Variants in PLCG1 observed in about 807,000 individuals in gnomAD.
The protein encoded by PLCG1 is 1-phosphatidylinositol 4,5-bisphosphate phosphodiesterase gamma-1.
In PLCG1, 71 loss-of-function variants were observed where a neutral mutation model predicts 177.8. The observed-to-expected ratio is 0.40, with a 90% CI of 0.33 to 0.49. PLCG1 has a LOEUF of 0.49. Ranked by LOEUF, PLCG1 falls within the 20% of genes least tolerant of loss-of-function variation. The probability of loss-of-function intolerance (pLI) is 0.72; values close to 1 mark genes in which losing one functional copy is unlikely to be tolerated. For synonymous variants in PLCG1, 658 were observed against 647.9 expected (o/e 1.02, Z -0.24); for missense variants, 1,281 against 1,709.0 (o/e 0.75, Z 4.42).
Position 41,173,423 on chromosome 20 carries a change from C to T in PLCG1, c.3283C>T (p.Leu1095=). 6.3e-7 allele frequency: 1 copy of T among 1,596,488 alleles called. No individual in the cohort carries two copies. Among genetic ancestry groups the T allele is most frequent in the Non-Finnish European group, 8.5e-7 (1 of 1,170,660 alleles). ...GCCCTTCTTTGTCTGCCTACAGGTG[C>T]TGGGGGCCCGACATCTGCCAAAGAA... ...LEPCAISIEV[L]GARHLPKNGR... The change falls in exon 28 of 32, where the codon CTG becomes TTG. Residue 1095 remains leucine (L), a synonymous_variant. Transcript: ENST00000685551. The surrounding 1 kb of genome is among the most constrained non-coding windows in gnomAD (Gnocchi z 6.2).
rs2036016143 is a variant in PLCG1 at position 41,174,893 on chromosome 20, A to G, written c.*384A>G. 1 of 213,086 alleles carries G rather than the reference A, an allele frequency of 4.7e-6. No homozygotes were observed. The highest frequency in any genetic ancestry group is 9.5e-6 in the Non-Finnish European group (1 of 105,722). 13.2% of individuals were successfully genotyped at this position (213,086 alleles called of 1,614,324 possible). A position where few individuals can be genotyped will look rare whatever the true frequency, so the allele number is the denominator to read the frequency against. On this transcript the variant is annotated 3_prime_UTR_variant, in exon 32 of 32. Transcript: ENST00000685551. The surrounding 1 kb of genome is among the most constrained non-coding windows in gnomAD (Gnocchi z 5.8). ...CTACTGACATTCCTAAGAGTGGAGGAGGAGGAGGAGCCTTGCTGGGCCAGG... is the reference window on the plus strand; with the variant it reads ...CTACTGACATTCCTAAGAGTGGAGGGGGAGGAGGAGCCTTGCTGGGCCAGG...
In PLCG1 at chr20:41,167,214, A is replaced by C. The variant is rs553830970; in HGVS notation, c.2301+355A>C. Among the ~76,000 whole-genome samples, 1 of 152,250 alleles carries C rather than the reference A, an allele frequency of 6.6e-6. No individual in the cohort carries two copies. Among genetic ancestry groups the C allele is most frequent in the Admixed American group, 6.5e-5 (1 of 15,300 alleles). ...TAGGGCAGATGAGATGAGGCTACCC[A>C]AGAGTGGTTGTGGAGCCTCCGCCTG... On this transcript the variant is annotated intron_variant, in intron 19 of 31. Transcript: ENST00000685551. The surrounding 1 kb of genome is among the most constrained non-coding windows in gnomAD (Gnocchi z 4.4).
chr20:41,164,877 C>T lies in PLCG1; in HGVS notation c.1218-56C>T. ...TCCAACAGCTCACTGTGAGGGGCTA[C>T]TTAGACCCAGAGAATTGCAGAATCT... On this transcript the variant is annotated intron_variant, in intron 12 of 31. Transcript: ENST00000685551. The surrounding 1 kb of genome is among the most constrained non-coding windows in gnomAD (Gnocchi z 6.4). 1.3e-6 allele frequency: 2 copies of T among 1,556,298 alleles called. No homozygotes were observed. The highest frequency in any genetic ancestry group is 8.8e-7 in the Non-Finnish European group (1 of 1,138,526).
At position 41,172,653 on chromosome 20, in the gene PLCG1, A is replaced by G; in HGVS notation, c.3130+8A>G. The G allele has an allele frequency of 6.2e-7, 1 of 1,613,742 alleles. No individual in the cohort carries two copies. The highest frequency in any genetic ancestry group is 8.5e-7 in the Non-Finnish European group (1 of 1,179,724). ...TCAACTTCCAGACCCCTGGTGAGGA[A>G]GTCCCCTGTGAGGAGGGTGAGGAGG... On this transcript the variant is annotated splice_region_variant and intron_variant, in intron 26 of 31. Transcript: ENST00000685551. The surrounding 1 kb of genome is among the most constrained non-coding windows in gnomAD (Gnocchi z 7.0).
In PLCG1 at chr20:41,148,659, G is replaced by T. The variant is rs1034106893; in HGVS notation, c.217+10801G>T. On this transcript the variant is annotated intron_variant, in intron 1 of 31. Transcript: ENST00000685551. This position sits in a 1 kb window ranked among gnomAD's most constrained non-coding sequence, Gnocchi z 4.3. The stretch of plus-strand genomic sequence containing the variant: ...TGGAGCATTGAAGATGGCAGACATG[G>T]TGCAGTCTCTCAAGGAGTTTACGCT... 6.6e-6 allele frequency among the ~76,000 whole-genome samples: 1 copy of T among 152,196 alleles called. No individual in the cohort carries two copies. The highest frequency in any genetic ancestry group is 6.5e-5 in the Admixed American group (1 of 15,284).
chr20:41,166,821 C>T lies in PLCG1; in HGVS notation c.2263C>T (p.Pro755Ser). 2.5e-6 allele frequency: 4 copies of T among 1,614,184 alleles called. No homozygotes were observed. The highest frequency in any genetic ancestry group is 3.4e-6 in the Non-Finnish European group (4 of 1,180,028). Residue 755 changes from proline to serine, a missense_variant, in exon 19 of 32, where the codon CCC (proline) becomes TCC (serine). Pro to Ser is a moderately conservative substitution (Grantham distance 74). This residue lies in a region of PLCG1 where 723 missense variants were observed against 1,030.0 expected (regional missense o/e 0.70). Coordinates refer to ENST00000685551, the MANE Select transcript of PLCG1 (RefSeq NM_002660.3). This position sits in a 1 kb window ranked among gnomAD's most constrained non-coding sequence, Gnocchi z 8.6. The part of the protein sequence containing the change: ...PLYRKMKLRY[P>S]INEEALEKIG... ...ATACCGCAAGATGAAGCTGCGCTAT[C>T]CCATCAACGAGGAGGCACTGGAGAA... is the stretch of plus-strand genomic sequence containing the variant.
At position 41,144,824 on chromosome 20, in the gene PLCG1, G is replaced by A. The variant is rs1200866594; in HGVS notation, c.217+6966G>A. Among the ~76,000 whole-genome samples, 1 of 152,000 alleles carries A rather than the reference G, an allele frequency of 6.6e-6. No individual in the cohort carries two copies. Among genetic ancestry groups the A allele is most frequent in the Non-Finnish European group, 1.5e-5 (1 of 68,030 alleles). ...TTCATGGTGGCAGTAGATCTCTAGC[G>A]TGGTTTGTGTTCCATCTCACCATAC... On this transcript the variant is annotated intron_variant, in intron 1 of 31. Transcript: ENST00000685551. The surrounding 1 kb of genome is among the most constrained non-coding windows in gnomAD (Gnocchi z 4.1).
intron 1 of PLCG1, among the ~76,000 whole-genome samples, chr20:41,142,860 G>C (rs1020396894): frequency 6.6e-6 from 1 of 152,150 alleles, no homozygotes; most frequent in Non-Finnish European, 1.5e-5. Flanking sequence ...TTACTACGTA[G>C]GATCCCTGAC....
Position 41,172,615 on chromosome 20 carries a change from C to T in PLCG1, c.3100C>T (p.Gln1034Ter). The stretch of plus-strand genomic sequence containing the variant: ...TTTGCCCATGTGGATCTGTGGCAGT[C>T]AGCTTGTGGCCCTCAACTTCCAGAC... ...DPLPMWICGS[Q>*]LVALNFQTPD... Residue 1034 changes from glutamine to a stop codon, truncating the protein, a stop_gained, in exon 26 of 32, where the codon CAG becomes TAG. Coordinates refer to ENST00000685551, the MANE Select transcript of PLCG1 (RefSeq NM_002660.3). LOFTEE classifies it high-confidence loss of function. This position sits in a 1 kb window ranked among gnomAD's most constrained non-coding sequence, Gnocchi z 7.0. 1 of 1,614,194 alleles carries T rather than the reference C, an allele frequency of 6.2e-7. No homozygotes were observed. Among genetic ancestry groups the T allele is most frequent in the Non-Finnish European group, 8.5e-7 (1 of 1,180,008 alleles).
Position 41,173,732 on chromosome 20 carries a change from T to G in PLCG1, c.3475T>G (p.Phe1159Val). 6.2e-7 allele frequency: 1 copy of G among 1,614,202 alleles called. No homozygotes were observed. Among genetic ancestry groups the G allele is most frequent in the Non-Finnish European group, 8.5e-7 (1 of 1,180,042 alleles). ...ISNPEFAFLR[F>V]VVYEEDMFSD... ...TAACCCTGAATTTGCCTTTCTGCGC[T>G]TCGTGGTGTATGAGGAAGACATGTT... The change falls in exon 29 of 32, where the codon TTC becomes GTC. Residue 1159 changes from phenylalanine to valine, a missense_variant. By Grantham distance (50) the Phe-to-Val change is conservative. Coordinates refer to ENST00000685551, the MANE Select transcript of PLCG1 (RefSeq NM_002660.3). This position sits in a 1 kb window ranked among gnomAD's most constrained non-coding sequence, Gnocchi z 6.2.
chr20:41,165,980 T>G lies in PLCG1; in HGVS notation c.1799+154T>G. On this transcript the variant is annotated intron_variant, in intron 16 of 31. Coordinates refer to ENST00000685551, the MANE Select transcript of PLCG1 (RefSeq NM_002660.3). The surrounding 1 kb of genome is among the most constrained non-coding windows in gnomAD (Gnocchi z 6.6). ...ATTTCACCTACATACACACACACACTCTCTGTCTCACCCCCCCCCCATACC... is the reference window on the plus strand; with the variant it reads ...ATTTCACCTACATACACACACACACGCTCTGTCTCACCCCCCCCCCATACC... The G allele has an allele frequency of 1.5e-6, 1 of 684,766 alleles. No individual in the cohort carries two copies. The highest frequency in any genetic ancestry group is 2.4e-6 in the Non-Finnish European group (1 of 415,148). The allele number at this position is 684,766 out of a possible 1,614,324, so 42.4% of individuals were successfully genotyped here.
rs1049761006 is a variant in PLCG1 at position 41,164,420 on chromosome 20, C to G, written c.1217+219C>G. ...TCCTACGTGTTGGGCCCACTCTCTTCTTCATGGGTCCTTTAGACTGTAGAA... is the reference window on the plus strand; with the variant it reads ...TCCTACGTGTTGGGCCCACTCTCTTGTTCATGGGTCCTTTAGACTGTAGAA... On this transcript the variant is annotated intron_variant, in intron 12 of 31. Coordinates refer to ENST00000685551, the MANE Select transcript of PLCG1 (RefSeq NM_002660.3). This position sits in a 1 kb window ranked among gnomAD's most constrained non-coding sequence, Gnocchi z 6.4. Among the ~76,000 whole-genome samples the G allele has an allele frequency of 6.6e-6, 1 of 152,092 alleles. No homozygotes were observed. The highest frequency in any genetic ancestry group is 1.5e-5 in the Non-Finnish European group (1 of 68,020).
In PLCG1 at chr20:41,156,948, G is replaced by T. The variant is rs749797056; in HGVS notation, c.218-2658G>T. Among the ~76,000 whole-genome samples, 1 of 152,254 alleles carries T rather than the reference G, an allele frequency of 6.6e-6. No individual in the cohort carries two copies. The highest frequency in any genetic ancestry group is 1.5e-5 in the Non-Finnish European group (1 of 68,040). On this transcript the variant is annotated intron_variant, in intron 1 of 31. Coordinates refer to ENST00000685551, the MANE Select transcript of PLCG1 (RefSeq NM_002660.3). This position sits in a 1 kb window ranked among gnomAD's most constrained non-coding sequence, Gnocchi z 5.0. ...TATTTGTTCTGGGAGGCAGGAAGAT[G>T]AAGGGTGAGGTTGGGAGGTAGCACA... is the stretch of plus-strand genomic sequence containing the variant.
At position 41,172,894 on chromosome 20, in the gene PLCG1, T is replaced by G. The variant is rs755664171; in HGVS notation, c.3279+17T>G. The G allele has an allele frequency of 5.6e-6, 9 of 1,611,794 alleles. No homozygotes were observed. The South Asian group carries it at 9.9e-5, about 18-fold the overall frequency. On this transcript the variant is annotated intron_variant, in intron 27 of 31. Coordinates refer to ENST00000685551, the MANE Select transcript of PLCG1 (RefSeq NM_002660.3). This position sits in a 1 kb window ranked among gnomAD's most constrained non-coding sequence, Gnocchi z 7.0. ...TCTATTGAGGTGGGTGCTGCTCATC[T>G]GGGCTTCAGGGTAGGAAAGGGGCTG... is the stretch of plus-strand genomic sequence containing the variant.
At position 41,175,205 on chromosome 20, in the gene PLCG1, C is replaced by G. The variant is rs995919132; in HGVS notation, c.*696C>G. ...TTATTTACTCCTCCTGCTCCTCACC[C>G]CTGTAGGGAAACCTTGGAGAGGAGA... On this transcript the variant is annotated 3_prime_UTR_variant, in exon 32 of 32. Coordinates refer to ENST00000685551, the MANE Select transcript of PLCG1 (RefSeq NM_002660.3). The G allele has an allele frequency of 1.3e-5, 2 of 152,520 alleles. No individual in the cohort carries two copies. The highest frequency in any genetic ancestry group is 2.4e-5 in the African/African-American group (1 of 41,426). The allele number at this position is 152,520 out of a possible 1,614,324, so 9.4% of individuals were successfully genotyped here.
rs2035670209 is a variant in PLCG1 at position 41,165,880 on chromosome 20, C to G, written c.1799+54C>G. 1.5e-6 allele frequency: 2 copies of G among 1,342,258 alleles called. No homozygotes were observed. Among genetic ancestry groups the G allele is most frequent in the South Asian group, 1.3e-5 (1 of 74,922 alleles). The allele number at this position is 1,342,258 out of a possible 1,614,324, so 83.1% of individuals were successfully genotyped here. ...TCAGTCAGCGTGTGTACACAGACAT[C>G]ACATCACCCAGAGATAATCAGTTAA... is the stretch of plus-strand genomic sequence containing the variant. On this transcript the variant is annotated intron_variant, in intron 16 of 31. Transcript: ENST00000685551. The surrounding 1 kb of genome is among the most constrained non-coding windows in gnomAD (Gnocchi z 6.6).
At chr20:41,162,319 C>A (rs138974758) in intron 4 of PLCG1, 133 bp from the exon 5 acceptor site, 28 of 438,968 alleles carry the variant, frequency 6.4e-5, no homozygotes, top group African/African-American at 5.8e-4. Flanking sequence ...GGGTTCTGAT[C>A]CAGTCTTGCC....
At chr20:41,155,106 A>G (rs554539824) in intron 1 of PLCG1, among the ~76,000 whole-genome samples, 4 of 152,154 alleles carry the variant, frequency 2.6e-5, no homozygotes, top group Non-Finnish European at 4.4e-5. Context: ...GAAAAGGAAC[A>G]TTGCTCTTCC....
chr20:41,168,332 C>CA (rs1325608360), intron 20 of PLCG1, among the ~76,000 whole-genome samples: 3 of 152,238 alleles, frequency 2.0e-5, no homozygotes, highest in African/African-American at 7.2e-5. Flanking sequence ...CCTCCACAGC[C>CA]AGGGGACCTG....
Sources: allele counts gnomAD v4.1 joint callset (sites outside exome capture counted in the v4.1 genomes callset), GRCh38; gene constraint gnomAD v4.1.1; regional missense constraint gnomAD v4.1.1; non-coding constraint Gnocchi (gnomAD v3.1); transcripts MANE v1.5; gene names NCBI Gene and HGNC (gene_info 2026-07-23, HGNC 2026-07-21).